FBXW11: variants seen among roughly 807,000 people sequenced by gnomAD.
FBXW11 encodes F-box and WD repeat domain containing 11.
Under a neutral mutation model 77.6 loss-of-function variants are expected in FBXW11, and 19 were observed. That is an observed-to-expected ratio of 0.24 (90% confidence interval 0.17 to 0.36). FBXW11 has a LOEUF of 0.36. Ranked by LOEUF, FBXW11 falls within the 10% of genes least tolerant of loss-of-function variation. The pLI, the probability that FBXW11 is intolerant of heterozygous loss-of-function variation, is 1.00. For missense variants in FBXW11, 334 were observed against 704.2 expected (o/e 0.47, Z 5.95); for synonymous variants, 235 against 249.4 (o/e 0.94, Z 0.54).
chr5:171,994,943 T>C (rs1765949563), intron 1 of FBXW11, among the ~76,000 whole-genome samples: 1 of 152,104 alleles, frequency 6.6e-6, no homozygotes. Flanking sequence ...GCAGCTGAGA[T>C]ACCAGAATCA....
chr5:171,994,225 T>G (rs1268861837), intron 1 of FBXW11, among the ~76,000 whole-genome samples: 3 of 152,242 alleles, frequency 2.0e-5, no homozygotes, highest in Non-Finnish European at 1.5e-5. Context: ...AAGCACATTC[T>G]CTGAAGCCAG....
intron 2 of FBXW11, among the ~76,000 whole-genome samples, chr5:171,937,506 G>A (rs1269733293): frequency 6.6e-6 from 1 of 152,140 alleles, no homozygotes; most frequent in Admixed American, 6.6e-5. Flanking sequence ...GTAAGTGAAT[G>A]AGTGTGGCTG....
rs771032181 is a variant in FBXW11 at position 171,891,617 on chromosome 5, G to A, written c.715-13C>T. On this transcript the variant is annotated splice_polypyrimidine_tract_variant and intron_variant, in intron 6 of 13. Transcript: ENST00000517395. ...TAGATTCTATAGTCTAGGGAAAAAA[G>A]GAGGCAAGAGATGAGTTTTTATGAA... 1 of 1,601,668 alleles carries A rather than the reference G, an allele frequency of 6.2e-7. No homozygotes were observed. Among genetic ancestry groups the A allele is most frequent in the Non-Finnish European group, 8.5e-7 (1 of 1,176,076 alleles).
intron 1 of FBXW11, among the ~76,000 whole-genome samples, chr5:171,988,103 C>T (rs1765541208): frequency 6.6e-6 from 1 of 152,160 alleles, no homozygotes; most frequent in African/African-American, 2.4e-5. Context: ...TCTAATATTA[C>T]ATCTGAATCA....
chr5:171,900,437 T>C (rs1300859681), intron 4 of FBXW11, among the ~76,000 whole-genome samples: 3 of 152,202 alleles, frequency 2.0e-5, no homozygotes, highest in Non-Finnish European at 2.9e-5. Context: ...CGCCCCAAGT[T>C]TGACAGATGA....
chr5:171,935,694 A>G (rs1200384731), intron 2 of FBXW11, among the ~76,000 whole-genome samples: 1 of 152,214 alleles, frequency 6.6e-6, no homozygotes, highest in Non-Finnish European at 1.5e-5. Flanking sequence ...GCATCAGTGG[A>G]GCAGCATCTT....
intron 9 of FBXW11, among the ~76,000 whole-genome samples, chr5:171,874,408 A>T (rs1415345355): frequency 6.6e-6 from 1 of 152,218 alleles, no homozygotes; most frequent in Non-Finnish European, 1.5e-5. Context: ...TGATATTATG[A>T]AACAGCTATT....
In FBXW11 at chr5:172,006,528, T is replaced by C. The variant is rs759893823; in HGVS notation, c.-26A>G. ...GGCGGCCCCGGCGGCCCCGCCTCGCTCTCCCCGCGCAGCAGCGAACGGCCC... is the reference window on the plus strand; with the variant it reads ...GGCGGCCCCGGCGGCCCCGCCTCGCCCTCCCCGCGCAGCAGCGAACGGCCC... On this transcript the variant is annotated 5_prime_UTR_variant, in exon 1 of 14. Coordinates refer to ENST00000517395, the MANE Select transcript of FBXW11 (RefSeq NM_001378974.1). The C allele has an allele frequency of 6.7e-7, 1 of 1,497,622 alleles. No individual in the cohort carries two copies. The highest frequency in any genetic ancestry group is 1.3e-5 in the South Asian group (1 of 78,622). 92.8% of individuals were successfully genotyped at this position (1,497,622 alleles called of 1,614,324 possible).
intron 2 of FBXW11, among the ~76,000 whole-genome samples, chr5:171,938,383 C>T (rs1451011446): frequency 6.6e-6 from 1 of 152,140 alleles, no homozygotes; most frequent in African/African-American, 2.4e-5. Context: ...TTTCAAAAAA[C>T]ATAACATGAC....
intron 2 of FBXW11, among the ~76,000 whole-genome samples, chr5:171,929,417 C>T (rs762053839): frequency 2.0e-5 from 3 of 151,804 alleles, no homozygotes; most frequent in Non-Finnish European, 2.9e-5. Flanking sequence ...ATTGAAAATT[C>T]GTGAACTTGA....
At chr5:171,979,353 A>G (rs989395784) in intron 1 of FBXW11, among the ~76,000 whole-genome samples, 5 of 152,114 alleles carry the variant, frequency 3.3e-5, no homozygotes, top group Non-Finnish European at 7.4e-5. Context: ...ACATACATAC[A>G]TATGTACATG....
At chr5:171,985,303 C>G (rs1765374047) in intron 1 of FBXW11, among the ~76,000 whole-genome samples, 1 of 152,096 alleles carries the variant, frequency 6.6e-6, no homozygotes, top group Non-Finnish European at 1.5e-5. Flanking sequence ...CATCCACCAC[C>G]CTCATACCTC....
intron 1 of FBXW11, among the ~76,000 whole-genome samples, chr5:171,963,485 A>C (rs1410458477): frequency 1.3e-5 from 2 of 152,216 alleles, no homozygotes; most frequent in Non-Finnish European, 2.9e-5. Flanking sequence ...CAAACTTGTG[A>C]CTTAATCCCG....
At chr5:171,956,296 G>A (rs991325936) in intron 2 of FBXW11, among the ~76,000 whole-genome samples, 4 of 152,244 alleles carry the variant, frequency 2.6e-5, no homozygotes, top group African/African-American at 4.8e-5. Context: ...AAGTTACATC[G>A]CATGCACAGA....
chr5:171,887,502 T>C (rs1205170661), intron 7 of FBXW11, among the ~76,000 whole-genome samples: 2 of 151,972 alleles, frequency 1.3e-5, no homozygotes, highest in African/African-American at 2.4e-5. Flanking sequence ...ATCTCTCCAG[T>C]TGATTATAAC....
intron 7 of FBXW11, among the ~76,000 whole-genome samples, chr5:171,888,589 T>C (rs1195253783): frequency 6.6e-6 from 1 of 152,212 alleles, no homozygotes; most frequent in East Asian, 1.9e-4. Context: ...CCCAAAAACA[T>C]TGTCCAGAGG....
chr5:171,980,856 G>T (rs1765102395), intron 1 of FBXW11, among the ~76,000 whole-genome samples: 1 of 152,138 alleles, frequency 6.6e-6, no homozygotes, highest in Non-Finnish European at 1.5e-5. Flanking sequence ...TGGCACAAAA[G>T]CGAAAATTCT....
intron 1 of FBXW11, among the ~76,000 whole-genome samples, chr5:171,968,285 C>T (rs1480790052): frequency 2.0e-5 from 3 of 151,734 alleles, no homozygotes; most frequent in Non-Finnish European, 2.9e-5. Flanking sequence ...TGAAACCCCT[C>T]GTCTCTACTA....
At chr5:171,898,814 C>T (rs1452856812) in intron 6 of FBXW11, among the ~76,000 whole-genome samples, 190 bp downstream of exon 6, 1 of 152,082 alleles carries the variant, frequency 6.6e-6, no homozygotes, top group African/African-American at 2.4e-5. Flanking sequence ...ATATTCTTTG[C>T]AAAAGACATT....
Sources: gnomAD v4.1 joint callset for allele counts (sites outside exome capture counted in the v4.1 genomes callset) on GRCh38, gnomAD v4.1.1 for gene constraint, MANE v1.5 for transcripts, NCBI Gene and HGNC (gene_info 2026-07-23, HGNC 2026-07-21) for gene names.